Variants in CNTNAP2 observed in about 807,000 individuals in gnomAD.
CNTNAP2 encodes the protein contactin associated protein 2.
In CNTNAP2, 98 loss-of-function variants were observed where a neutral mutation model predicts 155.2. The observed-to-expected ratio is 0.63, with a 90% CI of 0.54 to 0.75. The LOEUF (loss-of-function observed/expected upper bound fraction) is 0.75. CNTNAP2 is among the 30% of genes least tolerant of loss of function. CNTNAP2 has a pLI of 0.00. For missense variants in CNTNAP2, 1,727 were observed against 1,688.1 expected, an observed-to-expected ratio of 1.02 and a Z score of -0.40; for synonymous variants, 651 against 631.2, an observed-to-expected ratio of 1.03 and a Z score of -0.47.
intron 13 of CNTNAP2, chr7:147,831,707 CA>C (rs1400420973): frequency 6.6e-6 from 1 of 152,140 alleles, no homozygotes; most frequent in Admixed American, 6.5e-5. Context: ...ATGTCATTGC[CA>C]AATGACTTAA....
chr7:147,655,215 T>C (rs958468908), intron 13 of CNTNAP2, among the ~76,000 whole-genome samples: 2 of 151,670 alleles, frequency 1.3e-5, no homozygotes, highest in Non-Finnish European at 2.9e-5. Flanking sequence ...CTCCGCCTCC[T>C]GGATTCAAGC....
chr7:146,856,273 G>A (rs77980859), intron 3 of CNTNAP2, among the ~76,000 whole-genome samples: 1 of 49,914 alleles, frequency 2.0e-5, no homozygotes, highest in Admixed American at 2.7e-4. Context: ...TAGATAGATA[G>A]ATAGATAGAT....
intron 10 of CNTNAP2, among the ~76,000 whole-genome samples, chr7:147,480,520 T>G (rs1452236295): frequency 6.6e-6 from 1 of 152,200 alleles, no homozygotes; most frequent in African/African-American, 2.4e-5. Context: ...AGTGATCACT[T>G]TCTATGAATT....
intron 18 of CNTNAP2, among the ~76,000 whole-genome samples, chr7:148,181,273 A>G (rs1002021561): frequency 6.6e-6 from 1 of 152,164 alleles, no homozygotes; most frequent in Non-Finnish European, 1.5e-5. Context: ...CTATATCTAT[A>G]TAGTCTGTTG....
intron 1 of CNTNAP2, among the ~76,000 whole-genome samples, chr7:146,512,505 C>A (rs1205761267): frequency 1.4e-5 from 2 of 143,080 alleles, no homozygotes; most frequent in East Asian, 4.1e-4. Flanking sequence ...TCTCTTGTTT[C>A]TTTTTTTTTT....
At chr7:147,633,398 C>G (rs892739547) in intron 12 of CNTNAP2, among the ~76,000 whole-genome samples, 1 of 152,206 alleles carries the variant, frequency 6.6e-6, no homozygotes, top group East Asian at 1.9e-4. Context: ...TAGGGCAGTG[C>G]AGACGAGATA....
intron 21 of CNTNAP2, among the ~76,000 whole-genome samples, chr7:148,309,901 G>C (rs1394318093): frequency 1.3e-5 from 2 of 152,066 alleles, no homozygotes; most frequent in African/African-American, 4.8e-5. Context: ...AAATTTTGGG[G>C]GGTGGTATGG....
chr7:146,509,317 T>C (rs565109880), intron 1 of CNTNAP2, among the ~76,000 whole-genome samples: 2 of 152,276 alleles, frequency 1.3e-5, no homozygotes, highest in South Asian at 2.1e-4. Flanking sequence ...TCACCTGCAA[T>C]TGCTGATGGA....
Position 148,098,651 on chromosome 7 carries a change from T to G in CNTNAP2, c.2384-19467T>G, listed in dbSNP as rs139935545. Among the ~76,000 whole-genome samples, 83 of 152,016 alleles carry G rather than the reference T, an allele frequency of 5.5e-4. 1 individual carries two copies. The highest frequency in any genetic ancestry group is 1.1e-3 in the Non-Finnish European group (73 of 67,964). On this transcript the variant is annotated intron_variant, in intron 15 of 23. Coordinates refer to ENST00000361727, the MANE Select transcript of CNTNAP2 (RefSeq NM_014141.6). ...CCCAGGAGTTTGAGTCCAGCCTAGGTAAGATAGACCCCATCTCTTTAAAAA... is the reference window on the plus strand; with the variant it reads ...CCCAGGAGTTTGAGTCCAGCCTAGGGAAGATAGACCCCATCTCTTTAAAAA...
intron 8 of CNTNAP2, among the ~76,000 whole-genome samples, chr7:147,181,691 T>A (rs1306762730): frequency 6.6e-6 from 1 of 152,228 alleles, no homozygotes; most frequent in African/African-American, 2.4e-5. Flanking sequence ...CTATCTGAGT[T>A]GTCAGAATTT....
chr7:148,393,039 C>T (rs1399482397), intron 22 of CNTNAP2, among the ~76,000 whole-genome samples: 1 of 151,774 alleles, frequency 6.6e-6, no homozygotes, highest in Non-Finnish European at 1.5e-5. Flanking sequence ...TTCCAAGTTT[C>T]CTTTCTATCA....
rs1000771485 is a variant in CNTNAP2 at position 146,492,759 on chromosome 7, C to T, written c.98-281512C>T. 3.3e-5 allele frequency among the ~76,000 whole-genome samples: 5 copies of T among 152,250 alleles called. 1 individual carries two copies. The Middle Eastern group carries it at 0.01, about 311-fold the overall frequency. On this transcript the variant is annotated intron_variant, in intron 1 of 23. Coordinates refer to ENST00000361727, the MANE Select transcript of CNTNAP2 (RefSeq NM_014141.6). ...CATGATGTTATATGATATGCATATA[C>T]AGTAAAGTGTATATTATAGGGGAGC...
intron 1 of CNTNAP2, among the ~76,000 whole-genome samples, chr7:146,558,339 A>C (rs954315019): frequency 6.6e-6 from 1 of 152,206 alleles, no homozygotes; most frequent in Non-Finnish European, 1.5e-5. Context: ...CATGATGATA[A>C]TGAAAATTTT....
At chr7:147,157,948 A>T (rs1036399679) in intron 8 of CNTNAP2, among the ~76,000 whole-genome samples, 1 of 152,090 alleles carries the variant, frequency 6.6e-6, no homozygotes, top group Non-Finnish European at 1.5e-5. Context: ...TATTTTATTG[A>T]TTTTTAAGGG....
intron 5 of CNTNAP2, among the ~76,000 whole-genome samples, chr7:147,117,754 G>T (rs1801018240): frequency 6.6e-6 from 1 of 152,080 alleles, no homozygotes; most frequent in African/African-American, 2.4e-5. Flanking sequence ...ACTAAAAATT[G>T]CAACTTCACT....
intron 13 of CNTNAP2, among the ~76,000 whole-genome samples, chr7:147,885,456 A>T (rs1799587052): frequency 6.6e-6 from 1 of 152,124 alleles, no homozygotes; most frequent in African/African-American, 2.4e-5. Context: ...CAGAGCTTTG[A>T]TCTTTCCTTC....
intron 15 of CNTNAP2, among the ~76,000 whole-genome samples, chr7:148,052,549 T>C (rs1802913718): frequency 6.6e-6 from 1 of 152,208 alleles, no homozygotes; most frequent in South Asian, 2.1e-4. Flanking sequence ...TTAAAACGTA[T>C]GTAGTTCTTG....
intron 1 of CNTNAP2, among the ~76,000 whole-genome samples, chr7:146,199,351 C>T (rs1197306337): frequency 6.6e-6 from 1 of 152,052 alleles, no homozygotes; most frequent in African/African-American, 2.4e-5. Flanking sequence ...GAACTTGAGA[C>T]AGTTCAACAG....
intron 13 of CNTNAP2, among the ~76,000 whole-genome samples, chr7:147,832,092 T>C (rs1798555808): frequency 6.7e-6 from 1 of 149,028 alleles, no homozygotes; most frequent in African/African-American, 2.4e-5. Flanking sequence ...TTAAAACTGT[T>C]ATATATAATT....
Sources: gnomAD v4.1 joint callset for allele counts (sites outside exome capture counted in the v4.1 genomes callset) on GRCh38, gnomAD v4.1.1 for gene constraint, MANE v1.5 for transcripts, NCBI Gene and HGNC (gene_info 2026-07-23, HGNC 2026-07-21) for gene names.